Variants in PCDH15 observed in about 807,000 individuals in gnomAD.
The protein encoded by PCDH15 is protocadherin related 15.
PCDH15 carries 129 observed loss-of-function variants against 178.5 expected under a neutral mutation model. The observed-to-expected ratio is 0.72, with a 90% CI of 0.63 to 0.84. The LOEUF is 0.84. PCDH15 is among the 40% of genes least tolerant of loss of function. The pLI, the probability that PCDH15 is intolerant of heterozygous loss-of-function variation, is 0.00. For synonymous variants in PCDH15, 800 were observed against 732.0 expected, an observed-to-expected ratio of 1.09 and a Z score of -1.50; for missense variants, 2,230 against 2,099.9, an observed-to-expected ratio of 1.06 and a Z score of -1.21.
chr10:55,552,752 T>C (rs1466221562), intron 2 of PCDH15, among the ~76,000 whole-genome samples: 1 of 151,502 alleles, frequency 6.6e-6, no homozygotes, highest in Non-Finnish European at 1.5e-5. Context: ...ACAAATATTA[T>C]AAAACATAAT....
At chr10:54,631,944 C>A (rs911476694) in intron 2 of PCDH15, among the ~76,000 whole-genome samples, 9 of 152,064 alleles carry the variant, frequency 5.9e-5, no homozygotes, top group Admixed American at 3.3e-4. Context: ...TGGTCTCTCC[C>A]TTGACACGTG....
chr10:55,357,089 G>C (rs1299947868), intron 2 of PCDH15, among the ~76,000 whole-genome samples: 1 of 151,818 alleles, frequency 6.6e-6, no homozygotes, highest in African/African-American at 2.4e-5. Context: ...AGAGTACATA[G>C]CAACAAGTAC....
rs11004005 is a variant in PCDH15, at chr10:54,021,669, T to C, written c.2526+1223A>G. On this transcript the variant is annotated intron_variant, in intron 19 of 37. Transcript: ENST00000644397. ...TAGAAATAAGTTTCTCTAGCAAATA[T>C]TCTCTTTGCCTTAAGATTAGGTTAG... Among the ~76,000 whole-genome samples, 129 of 152,012 alleles carry C rather than the reference T, an allele frequency of 8.5e-4. 1 individual carries two copies. The highest frequency in any genetic ancestry group is 3.1e-3 in the African/African-American group (127 of 41,506).
intron 2 of PCDH15, among the ~76,000 whole-genome samples, chr10:54,586,921 CTG>C (rs1302705560): frequency 6.6e-6 from 1 of 152,046 alleles, no homozygotes; most frequent in African/African-American, 2.4e-5. Flanking sequence ...GAATTTTTGT[CTG>C]TTTTGTTCTC....
At chr10:54,691,395 C>G (rs1416010675) in intron 1 of PCDH15, among the ~76,000 whole-genome samples, 1 of 152,116 alleles carries the variant, frequency 6.6e-6, no homozygotes, top group Non-Finnish European at 1.5e-5. Flanking sequence ...TAAACCACCT[C>G]AGCTAGGAAC....
chr10:54,695,440 T>A (rs1163891252), intron 1 of PCDH15, among the ~76,000 whole-genome samples: 1 of 152,124 alleles, frequency 6.6e-6, no homozygotes, highest in Non-Finnish European at 1.5e-5. Flanking sequence ...CTCCATAACA[T>A]AAAAGTGTAA....
intron 1 of PCDH15, among the ~76,000 whole-genome samples, chr10:55,306,162 G>A (rs377603512): frequency 6.6e-5 from 10 of 152,176 alleles, no homozygotes; most frequent in East Asian, 3.9e-4. Flanking sequence ...AGAGTTTACC[G>A]TAAGGTAAAA....
chr10:55,391,755 G>C (rs1355141375), intron 2 of PCDH15, among the ~76,000 whole-genome samples: 1 of 151,990 alleles, frequency 6.6e-6, no homozygotes, highest in African/African-American at 2.4e-5. Flanking sequence ...CAAAGTGCTG[G>C]GATTACAAGC....
At chr10:54,464,837 C>T (rs4145278) in intron 3 of PCDH15, among the ~76,000 whole-genome samples, 56,815 of 151,880 alleles carry the variant, frequency 0.37, 11,176 homozygotes, top group East Asian at 0.56. Flanking sequence ...ATAATGATCA[C>T]TGCAGGAGAC....
At chr10:55,514,305 A>C (rs1399129009) in intron 2 of PCDH15, among the ~76,000 whole-genome samples, 1 of 152,164 alleles carries the variant, frequency 6.6e-6, no homozygotes, top group Non-Finnish European at 1.5e-5. Context: ...AAGTGGTTTC[A>C]GATTTCTCAT....
chr10:55,211,053 G>C (rs2589447), intron 1 of PCDH15, among the ~76,000 whole-genome samples: 15 of 151,996 alleles, frequency 9.9e-5, no homozygotes, highest in Non-Finnish European at 1.9e-4. Flanking sequence ...ATTCCTCAGG[G>C]CAGCTTGAAT....
chr10:54,046,296 C>T (rs1489790815), intron 18 of PCDH15, among the ~76,000 whole-genome samples: 1 of 152,054 alleles, frequency 6.6e-6, no homozygotes, highest in African/African-American at 2.4e-5. Context: ...ATGTTCATAA[C>T]ATAGAGAAAC....
intron 7 of PCDH15, among the ~76,000 whole-genome samples, chr10:54,328,841 T>C (rs1342147044): frequency 2.0e-5 from 3 of 152,002 alleles, no homozygotes; most frequent in East Asian, 3.9e-4. Flanking sequence ...GGTGATATAA[T>C]TGAACTGTCA....
At chr10:55,210,202 G>T (rs1840521369) in intron 1 of PCDH15, among the ~76,000 whole-genome samples, 1 of 152,008 alleles carries the variant, frequency 6.6e-6, no homozygotes, top group Middle Eastern at 3.2e-3. Flanking sequence ...AATTTATAGT[G>T]TTACAGCAGA....
At chr10:54,178,613 A>G (rs1165693755) in intron 13 of PCDH15, among the ~76,000 whole-genome samples, 1 of 152,142 alleles carries the variant, frequency 6.6e-6, no homozygotes, top group African/African-American at 2.4e-5. Flanking sequence ...AAAAAACAAA[A>G]GAACAATGAA....
chr10:54,408,795 G>C (rs941053635), intron 3 of PCDH15, among the ~76,000 whole-genome samples: 2 of 152,140 alleles, frequency 1.3e-5, no homozygotes, highest in Non-Finnish European at 2.9e-5. Context: ...GTTACAAATC[G>C]GGGTGGAAGT....
chr10:54,114,049 C>A (rs1033417503), intron 15 of PCDH15, among the ~76,000 whole-genome samples: 1 of 152,124 alleles, frequency 6.6e-6, no homozygotes, highest in Admixed American at 6.6e-5. Context: ...CCATTACCTG[C>A]CACCTGGTCC....
chr10:54,059,855 T>C (rs1208739901), intron 18 of PCDH15, among the ~76,000 whole-genome samples: 2 of 152,198 alleles, frequency 1.3e-5, no homozygotes, highest in Admixed American at 6.5e-5. Flanking sequence ...ATATGTACAA[T>C]GGAAAGCATT....
chr10:54,515,249 A>G (rs1465084391), intron 3 of PCDH15, among the ~76,000 whole-genome samples: 2 of 152,196 alleles, frequency 1.3e-5, no homozygotes, highest in African/African-American at 4.8e-5. Flanking sequence ...GACAGATGGC[A>G]CCTGGAAAAT....
Sources: allele counts gnomAD v4.1 joint callset (sites outside exome capture counted in the v4.1 genomes callset), GRCh38; gene constraint gnomAD v4.1.1; transcripts MANE v1.5; gene names NCBI Gene and HGNC (gene_info 2026-07-23, HGNC 2026-07-21).